CACNG3: variants seen among roughly 807,000 people sequenced by gnomAD.
CACNG3 encodes the protein voltage-dependent calcium channel gamma-3 subunit.
In CACNG3, 3 loss-of-function variants were observed where a neutral mutation model predicts 28.5. The ratio of observed to expected loss-of-function variants is 0.11; its 90% CI spans 0.05 to 0.27. The LOEUF (loss-of-function observed/expected upper bound fraction) is 0.27, where lower values mean the gene tolerates loss of function less well. Ranked by LOEUF, CACNG3 falls within the 10% of genes least tolerant of loss-of-function variation. The probability of loss-of-function intolerance (pLI) is 1.00; values close to 1 mark genes in which losing one functional copy is unlikely to be tolerated. For missense variants in CACNG3, 236 were observed against 414.4 expected (o/e 0.57, Z 3.74); for synonymous variants, 174 against 162.2 (o/e 1.07, Z -0.55).
chr16:24,267,540 G>A (rs1898629801), intron 1 of CACNG3, among the ~76,000 whole-genome samples: 3 of 152,056 alleles, frequency 2.0e-5, no homozygotes, highest in Admixed American at 2.0e-4. Context: ...CTCCCACCGT[G>A]GCCTCCCAAA....
chr16:24,307,562 C>A (rs1486722261), intron 1 of CACNG3, among the ~76,000 whole-genome samples: 1 of 152,130 alleles, frequency 6.6e-6, no homozygotes, highest in African/African-American at 2.4e-5. Context: ...TCCCAAGAGT[C>A]CATCCCAAAA....
chr16:24,310,565 A>AAAAC (rs113752473), intron 1 of CACNG3, among the ~76,000 whole-genome samples: 1,642 of 151,346 alleles, frequency 0.011, 33 homozygotes, highest in African/African-American at 0.036. Context: ...CTCCATCTCA[A>AAAAC]AAACAAACAA....
chr16:24,340,186 G>A (rs185959980), intron 1 of CACNG3, among the ~76,000 whole-genome samples: 12 of 152,094 alleles, frequency 7.9e-5, no homozygotes, highest in Admixed American at 3.9e-4. Flanking sequence ...TGGGAGGATC[G>A]CTTGAACCCA....
chr16:24,286,200 C>A (rs9921802), intron 1 of CACNG3, among the ~76,000 whole-genome samples: 33,260 of 151,924 alleles, frequency 0.22, 3,954 homozygotes, highest in East Asian at 0.45. Context: ...TTATTGCTGT[C>A]ATTGTCATTC....
chr16:24,289,269 C>T (rs941634587), intron 1 of CACNG3, among the ~76,000 whole-genome samples: 2 of 148,356 alleles, frequency 1.3e-5, no homozygotes, highest in Non-Finnish European at 3.0e-5. Context: ...CAAATGCAAT[C>T]TTTAAAAATA....
At chr16:24,335,592 T>C (rs1482650224) in intron 1 of CACNG3, among the ~76,000 whole-genome samples, 1 of 152,212 alleles carries the variant, frequency 6.6e-6, no homozygotes, top group African/African-American at 2.4e-5. Context: ...TGAGGCACTT[T>C]TAAGTTAAGC....
intron 2 of CACNG3, among the ~76,000 whole-genome samples, chr16:24,350,794 T>G (rs1341566255): frequency 6.6e-6 from 1 of 152,118 alleles, no homozygotes. Flanking sequence ...CCTTTAAAGG[T>G]TAGTCCACAA....
intron 3 of CACNG3, among the ~76,000 whole-genome samples, chr16:24,358,171 G>A (rs1329736700): frequency 2.0e-5 from 3 of 152,088 alleles, no homozygotes; most frequent in African/African-American, 4.8e-5. Context: ...CGGTAAATAA[G>A]AGTGCTGGGG....
chr16:24,359,166 G>A (rs909812750), intron 3 of CACNG3, among the ~76,000 whole-genome samples: 6 of 152,044 alleles, frequency 3.9e-5, no homozygotes, highest in Admixed American at 1.3e-4. Flanking sequence ...AACATGGCCC[G>A]GGGGAGTCAG....
chr16:24,325,766 A>T (rs1195278932), intron 1 of CACNG3, among the ~76,000 whole-genome samples: 1 of 152,244 alleles, frequency 6.6e-6, no homozygotes, highest in African/African-American at 2.4e-5. Flanking sequence ...GCAGGCATGG[A>T]GGCAAAGCTG....
At position 24,256,717 on chromosome 16, in the gene CACNG3, C is replaced by G. The variant is rs778953751; in HGVS notation, c.-38C>G. The G allele has an allele frequency of 1.2e-5, 17 of 1,431,560 alleles. No homozygotes were observed. In the Admixed American group the frequency reaches 2.0e-4, roughly 17 times the overall value. 88.7% of individuals were successfully genotyped at this position (1,431,560 alleles called of 1,614,324 possible). On this transcript the variant is annotated 5_prime_UTR_variant, in exon 1 of 4. Transcript: ENST00000005284. The surrounding 1 kb of genome is among the most constrained non-coding windows in gnomAD (Gnocchi z 4.6). ...TTTCCCCTCCGGCACTGACTCTCCC[C>G]CTCCAACCCCCAGCCGTCCAGAGTA...
rs753035318 is a variant in CACNG3 at position 24,362,192 on chromosome 16, CA to C, written c.*330del. The C allele has an allele frequency of 1.2e-4, 26 of 218,434 alleles. 6 individuals carry two copies. The highest frequency in any genetic ancestry group is 1.9e-4 in the East Asian group (2 of 10,298). The allele number at this position is 218,434 out of a possible 1,614,324, so 13.5% of individuals were successfully genotyped here. A position where few individuals can be genotyped will look rare whatever the true frequency, so the allele number is the denominator to read the frequency against. ...TTTACTAAAAGTCACAGGTGGTGGC[CA>C]GGGGGGATTTCCGAATCTCCATCAG... On this transcript the variant is annotated 3_prime_UTR_variant, in exon 4 of 4. Transcript: ENST00000005284.
At chr16:24,329,447 G>A (rs558759406) in intron 1 of CACNG3, among the ~76,000 whole-genome samples, 363 of 152,244 alleles carry the variant, frequency 2.4e-3, no homozygotes, top group African/African-American at 8.3e-3. Flanking sequence ...GAATGCTAAC[G>A]TTTCACAAAA....
At chr16:24,358,257 G>A (rs935849948) in intron 3 of CACNG3, among the ~76,000 whole-genome samples, 1 of 152,266 alleles carries the variant, frequency 6.6e-6, no homozygotes, top group Non-Finnish European at 1.5e-5. Context: ...AAGAGCGTAA[G>A]CTCTGAAGTC....
rs148993700 is a variant in CACNG3 at position 24,361,126 on chromosome 16, G to T, written c.437-226G>T. Among the ~76,000 whole-genome samples, 2 of 152,240 alleles carry T rather than the reference G, an allele frequency of 1.3e-5. No homozygotes were observed. Among genetic ancestry groups the T allele is most frequent in the East Asian group, 3.9e-4 (2 of 5,168 alleles). ...CTTCCGTACTTGCTGTAGGAGTAGGGTGTATTCTTCAGCTGAATACACATT... is the reference window on the plus strand; with the variant it reads ...CTTCCGTACTTGCTGTAGGAGTAGGTTGTATTCTTCAGCTGAATACACATT... On this transcript the variant is annotated intron_variant, in intron 3 of 3. Coordinates refer to ENST00000005284, the MANE Select transcript of CACNG3 (RefSeq NM_006539.4). This position sits in a 1 kb window ranked among gnomAD's most constrained non-coding sequence, Gnocchi z 6.8.
intron 1 of CACNG3, among the ~76,000 whole-genome samples, chr16:24,307,151 T>G (rs1899197014): frequency 6.6e-6 from 1 of 152,126 alleles, no homozygotes; most frequent in East Asian, 1.9e-4. Context: ...TGTTGTTTTC[T>G]TTTGTTTTGA....
intron 1 of CACNG3, among the ~76,000 whole-genome samples, chr16:24,317,766 G>A (rs1283028096): frequency 6.6e-6 from 1 of 152,146 alleles, no homozygotes; most frequent in Non-Finnish European, 1.5e-5. Flanking sequence ...CCCCAGACCT[G>A]CTGAATCAGA....
intron 1 of CACNG3, among the ~76,000 whole-genome samples, chr16:24,267,548 A>C (rs900152743): frequency 6.6e-6 from 1 of 152,170 alleles, no homozygotes; most frequent in Non-Finnish European, 1.5e-5. Context: ...GTGGCCTCCC[A>C]AAGTTCTGTG....
In CACNG3 at chr16:24,256,891, G is replaced by A. The variant is rs1371741316; in HGVS notation, c.137G>A (p.Ser46Asn). ...SRGVCRTKSTSDNETSRKNEE... is the reference protein window; with the variant it reads ...SRGVCRTKSTNDNETSRKNEE... ...GGTGTGTGCAGGACTAAATCTACAA[G>A]TGATAATGAAACCAGCAGGAAGAAT... The change falls in exon 1 of 4, where the codon AGT becomes AAT. Residue 46 changes from serine to asparagine, a missense_variant. This residue lies in a region of CACNG3 where 120 missense variants were observed against 263.4 expected (regional missense o/e 0.46). Transcript: ENST00000005284. The surrounding 1 kb of genome is among the most constrained non-coding windows in gnomAD (Gnocchi z 4.6). 1 of 1,613,868 alleles carries A rather than the reference G, an allele frequency of 6.2e-7. No individual in the cohort carries two copies. The highest frequency in any genetic ancestry group is 8.5e-7 in the Non-Finnish European group (1 of 1,179,832).
Sources: allele counts gnomAD v4.1 joint callset (sites outside exome capture counted in the v4.1 genomes callset), GRCh38; gene constraint gnomAD v4.1.1; regional missense constraint gnomAD v4.1.1; non-coding constraint Gnocchi (gnomAD v3.1); transcripts MANE v1.5; gene names NCBI Gene and HGNC (gene_info 2026-07-23, HGNC 2026-07-21).